ANO2: variants seen among roughly 807,000 people sequenced by gnomAD.
The protein encoded by ANO2 is anoctamin-2.
In ANO2, 101 loss-of-function variants were observed where a neutral mutation model predicts 124.2. The observed-to-expected ratio is 0.81, with a 90% CI of 0.69 to 0.96. The LOEUF (loss-of-function observed/expected upper bound fraction) is 0.96, where lower values mean the gene tolerates loss of function less well. Among genes scored for constraint, ANO2 ranks in the 40% least tolerant of loss-of-function variants. ANO2 has a pLI of 0.00. For missense variants in ANO2, 1,293 were observed against 1,274.5 expected, an observed-to-expected ratio of 1.01 and a Z score of -0.22; for synonymous variants, 486 against 482.5, an observed-to-expected ratio of 1.01 and a Z score of -0.09.
rs1473642104 is a variant in ANO2, at chr12:5,640,890, T to C, written c.1621-5543A>G. ...CACTACTGGGTACATACCCAAAGGA[T>C]TATAAATCAATCTACTATAAAGACA... On this transcript the variant is annotated intron_variant, in intron 15 of 24. Transcript: ENST00000682330. Among the ~76,000 whole-genome samples the C allele has an allele frequency of 4.6e-5, 7 of 152,174 alleles. No individual in the cohort carries two copies. In the East Asian group the frequency reaches 7.7e-4, roughly 17 times the overall value.
intron 14 of ANO2, among the ~76,000 whole-genome samples, chr12:5,662,260 A>G (rs1321071511): frequency 6.6e-6 from 1 of 152,264 alleles, no homozygotes; most frequent in Non-Finnish European, 1.5e-5. Flanking sequence ...CATTTTGTGA[A>G]TTTATTGGGT....
chr12:5,679,725 G>A (rs988619643), intron 14 of ANO2, among the ~76,000 whole-genome samples: 2 of 152,258 alleles, frequency 1.3e-5, no homozygotes, highest in Admixed American at 6.5e-5. Flanking sequence ...GGAAGACAGC[G>A]TGGTGATTCC....
In ANO2 at chr12:5,589,182, TC is replaced by T. The variant is rs1359242149; in HGVS notation, c.2233+10301del. On this transcript the variant is annotated intron_variant, in intron 20 of 24. Coordinates refer to ENST00000682330, the MANE Select transcript of ANO2 (RefSeq NM_001364791.2). ...CATCTGCTGTGAACTTCATCTTCTCTCCCACCAAGCTAGTTCCCAGAGCTGC... is the reference window on the plus strand; with the variant it reads ...CATCTGCTGTGAACTTCATCTTCTCTCCACCAAGCTAGTTCCCAGAGCTGC... 5.9e-5 allele frequency among the ~76,000 whole-genome samples: 9 copies of T among 152,280 alleles called. No homozygotes were observed. The East Asian group carries it at 1.7e-3, about 29-fold the overall frequency.
intron 14 of ANO2, among the ~76,000 whole-genome samples, chr12:5,696,970 G>C (rs1264827025): frequency 6.6e-6 from 1 of 152,098 alleles, no homozygotes. Flanking sequence ...TCTGATAAAT[G>C]GTATCAACAG....
intron 14 of ANO2, among the ~76,000 whole-genome samples, chr12:5,672,589 G>GTGTGCACATGCA (rs761532421): frequency 1.5e-4 from 22 of 151,500 alleles, no homozygotes; most frequent in African/African-American, 5.1e-4. Context: ...TCGTGTGTGT[G>GTGTGCACATGCA]TGTGTGTGTG....
At chr12:5,749,104 T>C (rs1367509135) in intron 11 of ANO2, among the ~76,000 whole-genome samples, 1 of 152,214 alleles carries the variant, frequency 6.6e-6, no homozygotes, top group East Asian at 1.9e-4. Context: ...TGAGACCATT[T>C]CTATAGAGTA....
chr12:5,757,311 G>A (rs1951610308), intron 10 of ANO2, among the ~76,000 whole-genome samples: 1 of 152,158 alleles, frequency 6.6e-6, no homozygotes, highest in Non-Finnish European at 1.5e-5. Context: ...AGAATGAAAA[G>A]TGATTTCTTG....
At chr12:5,798,496 A>G (rs1176093738) in intron 10 of ANO2, among the ~76,000 whole-genome samples, 3 of 151,990 alleles carry the variant, frequency 2.0e-5, no homozygotes, top group African/African-American at 4.8e-5. Flanking sequence ...TGCCCCTCTC[A>G]CAATCCCAGC....
rs576753103 is a variant in ANO2, at chr12:5,579,991, T to C, written c.2234-1473A>G. On this transcript the variant is annotated intron_variant, in intron 20 of 24. Coordinates refer to ENST00000682330, the MANE Select transcript of ANO2 (RefSeq NM_001364791.2). Reference sequence around the variant, plus strand: ...CAGCCATCACTGTGTGCTTCTGTGATTGACTTGCTCACACATCTTTATTTC... The same window carrying C: ...CAGCCATCACTGTGTGCTTCTGTGACTGACTTGCTCACACATCTTTATTTC... Among the ~76,000 whole-genome samples, 20 of 152,326 alleles carry C rather than the reference T, an allele frequency of 1.3e-4. 1 individual carries two copies. The South Asian group carries it at 3.7e-3, about 28-fold the overall frequency.
chr12:5,764,970 A>G (rs969860303), intron 10 of ANO2, among the ~76,000 whole-genome samples: 1 of 152,188 alleles, frequency 6.6e-6, no homozygotes, highest in African/African-American at 2.4e-5. Flanking sequence ...AAGGAATAGG[A>G]TATTGTGAGA....
intron 10 of ANO2, among the ~76,000 whole-genome samples, chr12:5,788,081 G>A (rs532270745): frequency 5.9e-5 from 9 of 152,310 alleles, no homozygotes; most frequent in Admixed American, 3.3e-4. Flanking sequence ...ACCGCAAGAA[G>A]TACTTCATGT....
At chr12:5,914,544 C>A (rs1341603543) in intron 3 of ANO2, among the ~76,000 whole-genome samples, 2 of 152,190 alleles carry the variant, frequency 1.3e-5, no homozygotes, top group Non-Finnish European at 2.9e-5. Flanking sequence ...GGTACGCTGT[C>A]CCTTCCAAGA....
At chr12:5,827,049 G>A (rs1953977572) in intron 7 of ANO2, among the ~76,000 whole-genome samples, 1 of 152,164 alleles carries the variant, frequency 6.6e-6, no homozygotes, top group East Asian at 1.9e-4. Flanking sequence ...AGGTGTTTGT[G>A]CGTGACTTTT....
chr12:5,872,498 CA>C (rs1199300803), intron 3 of ANO2, among the ~76,000 whole-genome samples: 1 of 152,186 alleles, frequency 6.6e-6, no homozygotes, highest in East Asian at 1.9e-4. Flanking sequence ...CAGTGACTAA[CA>C]GCAGATATCA....
Position 5,880,108 on chromosome 12 carries a change from C to T in ANO2, c.535-25967G>A, listed in dbSNP as rs114809961. Among the ~76,000 whole-genome samples, 216 of 152,252 alleles carry T rather than the reference C, an allele frequency of 1.4e-3. 1 individual carries two copies. Among genetic ancestry groups the T allele is most frequent in the Non-Finnish European group, 2.6e-3 (178 of 68,014 alleles). On this transcript the variant is annotated intron_variant, in intron 3 of 24. Coordinates refer to ENST00000682330, the MANE Select transcript of ANO2 (RefSeq NM_001364791.2). ...ACCAGAACACGAGAGGAGAGAGAAT[C>T]TAAGGAGGCTTCCAGATTCTGTTGT...
intron 14 of ANO2, among the ~76,000 whole-genome samples, chr12:5,650,957 A>G (rs1007763311): frequency 6.6e-6 from 1 of 152,264 alleles, no homozygotes; most frequent in African/African-American, 2.4e-5. Flanking sequence ...GAGAACTCTT[A>G]GCACCTCTCT....
upstream of ANO2, chr12:5,946,088 C>T (rs1447602696): frequency 3.8e-5 from 60 of 1,581,358 alleles, no homozygotes; most frequent in South Asian, 6.5e-4. The surrounding 1 kb of genome is among the most constrained non-coding windows in gnomAD (Gnocchi z 4.1). Context: ...TCATTAATAC[C>T]ATGGACCCCC....
intron 14 of ANO2, among the ~76,000 whole-genome samples, chr12:5,663,582 C>T (rs1947553557): frequency 6.6e-6 from 1 of 152,170 alleles, no homozygotes; most frequent in African/African-American, 2.4e-5. Flanking sequence ...AGGAAGGGAA[C>T]ACCTGAGACC....
chr12:5,729,156 A>G (rs1950544005), intron 14 of ANO2, among the ~76,000 whole-genome samples: 1 of 152,202 alleles, frequency 6.6e-6, no homozygotes, highest in South Asian at 2.1e-4. Context: ...AAATTTCAAT[A>G]AAGTGAAAAG....
Sources: allele counts gnomAD v4.1 joint callset (sites outside exome capture counted in the v4.1 genomes callset), GRCh38; gene constraint gnomAD v4.1.1; non-coding constraint Gnocchi (gnomAD v3.1); transcripts MANE v1.5; gene names NCBI Gene and HGNC (gene_info 2026-07-23, HGNC 2026-07-21).